EEFSEC: variants seen among roughly 807,000 people sequenced by gnomAD.
The protein encoded by EEFSEC is eukaryotic elongation factor, selenocysteine-tRNA specific, also known as selenocysteine-specific elongation factor.
EEFSEC carries 43 observed loss-of-function variants against 42.1 expected under a neutral mutation model. That is an observed-to-expected ratio of 1.02 (90% confidence interval 0.80 to 1.32). EEFSEC has a LOEUF of 1.32. Ranked by LOEUF, EEFSEC falls within the 40% of genes most tolerant of loss-of-function variation. The pLI is 0.00. For missense variants in EEFSEC, 745 were observed against 803.6 expected (o/e 0.93, Z 0.88); for synonymous variants, 354 against 339.1 (o/e 1.04, Z -0.48).
chr3:128,310,222 A>G (rs1017510392), intron 4 of EEFSEC, among the ~76,000 whole-genome samples: 2 of 152,250 alleles, frequency 1.3e-5, no homozygotes, highest in African/African-American at 4.8e-5. Flanking sequence ...AGGTTAGGAA[A>G]TTAGAACTCA....
At chr3:128,418,497 A>C in the EEFSEC span, among the ~76,000 whole-genome samples, 2 of 138,798 alleles carry the variant, frequency 1.4e-5, no homozygotes, top group African/African-American at 2.8e-5. Flanking sequence ...CTGCTGCACC[A>C]CCCCAGGCCA....
chr3:128,225,313 T>C (rs990797135), intron 1 of EEFSEC, among the ~76,000 whole-genome samples: 1 of 152,218 alleles, frequency 6.6e-6, no homozygotes, highest in Non-Finnish European at 1.5e-5. Context: ...TGTCTTTTTT[T>C]GGTTTTGTGT....
intron 4 of EEFSEC, among the ~76,000 whole-genome samples, chr3:128,319,024 A>G (rs1195665662): frequency 6.6e-6 from 1 of 152,216 alleles, no homozygotes; most frequent in East Asian, 1.9e-4. Context: ...GGTGCAACAC[A>G]TGAAGTTTCT....
chr3:128,199,407 G>A (rs147908717), intron 1 of EEFSEC, among the ~76,000 whole-genome samples: 34 of 152,322 alleles, frequency 2.2e-4, no homozygotes, highest in African/African-American at 7.9e-4. Context: ...AAAGTTAAGT[G>A]TGGGGCTATA....
the EEFSEC span, among the ~76,000 whole-genome samples, chr3:128,416,874 T>C: frequency 6.6e-6 from 1 of 152,070 alleles, no homozygotes; most frequent in East Asian, 1.9e-4. Flanking sequence ...GATCCAGCTA[T>C]GCCTGGAGCT....
chr3:128,190,166 C>A (rs556349544), intron 1 of EEFSEC, among the ~76,000 whole-genome samples: 2 of 152,206 alleles, frequency 1.3e-5, no homozygotes, highest in African/African-American at 4.8e-5. Context: ...CCCAGCCGCT[C>A]CTTCTACTTC....
At chr3:128,216,531 C>T (rs2065812142) in intron 1 of EEFSEC, among the ~76,000 whole-genome samples, 1 of 152,144 alleles carries the variant, frequency 6.6e-6, no homozygotes, top group African/African-American at 2.4e-5. Flanking sequence ...AGGCCTTCCA[C>T]CTGCCTCAGC....
intron 1 of EEFSEC, among the ~76,000 whole-genome samples, chr3:128,163,560 A>G (rs1454269944): frequency 2.0e-5 from 3 of 151,940 alleles, no homozygotes; most frequent in Non-Finnish European, 2.9e-5. Flanking sequence ...AAATTCACCC[A>G]TTTCACTGAG....
the EEFSEC span, among the ~76,000 whole-genome samples, chr3:128,420,863 C>T: frequency 6.6e-6 from 1 of 152,160 alleles, no homozygotes; most frequent in African/African-American, 2.4e-5. Flanking sequence ...GCCCCCTCCT[C>T]TGGGGGTACC....
chr3:128,215,943 G>A (rs927789722), intron 1 of EEFSEC, among the ~76,000 whole-genome samples: 20 of 152,212 alleles, frequency 1.3e-4, no homozygotes, highest in African/African-American at 4.8e-4. Flanking sequence ...CTGGAGCTGG[G>A]ACCAGAGTTC....
chr3:128,291,562 A>G (rs769032383), intron 4 of EEFSEC, among the ~76,000 whole-genome samples: 2 of 152,216 alleles, frequency 1.3e-5, no homozygotes, highest in Non-Finnish European at 1.5e-5. Context: ...ATTTCTGCTC[A>G]TTATAAATTA....
At chr3:128,402,108 G>C (rs1242105844) in intron 6 of EEFSEC, among the ~76,000 whole-genome samples, 1 of 152,214 alleles carries the variant, frequency 6.6e-6, no homozygotes, top group Admixed American at 6.5e-5. Context: ...GTGATGGGGG[G>C]CCTGTAATAG....
intron 4 of EEFSEC, among the ~76,000 whole-genome samples, chr3:128,298,857 A>G (rs2066737019): frequency 6.6e-6 from 1 of 152,184 alleles, no homozygotes; most frequent in Non-Finnish European, 1.5e-5. Context: ...ACTTAACATA[A>G]TGGCCTCTAG....
At chr3:128,366,047 A>T (rs1027193945) in intron 6 of EEFSEC, among the ~76,000 whole-genome samples, 1 of 152,238 alleles carries the variant, frequency 6.6e-6, no homozygotes, top group African/African-American at 2.4e-5. Context: ...CAGGTTCACA[A>T]GGTGGCAGAT....
At chr3:128,364,098 G>T (rs1263375988) in intron 6 of EEFSEC, among the ~76,000 whole-genome samples, 1 of 152,188 alleles carries the variant, frequency 6.6e-6, no homozygotes, top group East Asian at 1.9e-4. Context: ...AGGAGTTTAA[G>T]ACCAGCCTGG....
Position 128,185,365 on chromosome 3 carries a change from C to A in EEFSEC, c.316+31542C>A, listed in dbSNP as rs953582602. ...ACCTTCTTTTTACTAAGCAATAAAACAGACTTTTTCTGTGACATTAATTTA... is the reference window on the plus strand; with the variant it reads ...ACCTTCTTTTTACTAAGCAATAAAAAAGACTTTTTCTGTGACATTAATTTA... On this transcript the variant is annotated intron_variant, in intron 1 of 6. Transcript: ENST00000254730. Among the ~76,000 whole-genome samples the A allele has an allele frequency of 3.3e-5, 5 of 151,888 alleles. No individual in the cohort carries two copies. In the East Asian group the frequency reaches 9.6e-4, roughly 29 times the overall value.
intron 5 of EEFSEC, among the ~76,000 whole-genome samples, chr3:128,342,707 G>A (rs1252896671): frequency 6.6e-6 from 1 of 152,198 alleles, no homozygotes; most frequent in East Asian, 1.9e-4. Context: ...CTGGGCCCTG[G>A]GCCTCCCTCG....
At chr3:128,255,717 A>T (rs1277975599) in intron 2 of EEFSEC, among the ~76,000 whole-genome samples, 12 of 152,054 alleles carry the variant, frequency 7.9e-5, no homozygotes, top group Non-Finnish European at 7.4e-5. Context: ...AAGAAGGAGA[A>T]ATTGGATGTT....
At chr3:128,201,464 A>G (rs568564431) in intron 1 of EEFSEC, among the ~76,000 whole-genome samples, 1 of 152,074 alleles carries the variant, frequency 6.6e-6, no homozygotes, top group African/African-American at 2.4e-5. Context: ...TCTGATGACT[A>G]ATAACATTGA....
Sources: allele counts gnomAD v4.1 joint callset (sites outside exome capture counted in the v4.1 genomes callset), GRCh38; gene constraint gnomAD v4.1.1; transcripts MANE v1.5; gene names NCBI Gene and HGNC (gene_info 2026-07-23, HGNC 2026-07-21).